PHTF2: variants seen among roughly 807,000 people sequenced by gnomAD.
The protein encoded by PHTF2 is protein PHTF2.
In PHTF2, 60 loss-of-function variants were observed where a neutral mutation model predicts 101.2. That is an observed-to-expected ratio of 0.59 (90% CI 0.48 to 0.73). PHTF2 has a LOEUF of 0.73. Ranked by LOEUF, PHTF2 falls within the 30% of genes least tolerant of loss-of-function variation. The pLI is 0.00. For synonymous variants in PHTF2, 311 were observed against 307.3 expected, an observed-to-expected ratio of 1.01 and a Z score of -0.13; for missense variants, 747 against 908.7, an observed-to-expected ratio of 0.82 and a Z score of 2.29.
intron 17 of PHTF2, among the ~76,000 whole-genome samples, chr7:77,950,636 C>G (rs1421931610): frequency 6.6e-6 from 1 of 152,190 alleles, no homozygotes; most frequent in Non-Finnish European, 1.5e-5. Flanking sequence ...GCCTAGGCAA[C>G]AGAGTGAGAC....
chr7:77,943,549 A>G lies in PHTF2; in HGVS notation c.1959+763A>G, dbSNP rs1413932840. Among the ~76,000 whole-genome samples, 3 of 152,200 alleles carry G rather than the reference A, an allele frequency of 2.0e-5. No individual in the cohort carries two copies. In the East Asian group the frequency reaches 5.8e-4, roughly 29 times the overall value. ...AAAGTATCTCAGGATATGCACTGCT[A>G]TAATGCAGGGGAACATGTTCTCAGG... On this transcript the variant is annotated intron_variant, in intron 16 of 19. Transcript: ENST00000416283.
intron 8 of PHTF2, chr7:77,909,556 T>TG (rs1304383731): frequency 6.6e-6 from 1 of 152,056 alleles, no homozygotes; most frequent in African/African-American, 2.4e-5. Flanking sequence ...TTTGTAGAGA[T>TG]GGGGTCTCAC....
In PHTF2 at chr7:77,893,262, C is replaced by T. The variant is rs551100301; in HGVS notation, c.148-346C>T. ...CTGAACCTCTCCCTCCTTTGAACCT[C>T]CTCCCTCAAGTAGGCCCTAGTGTCT... is the stretch of plus-strand genomic sequence containing the variant. On this transcript the variant is annotated intron_variant, in intron 3 of 19. Transcript: ENST00000416283. 2.6e-5 allele frequency among the ~76,000 whole-genome samples: 4 copies of T among 152,098 alleles called. No homozygotes were observed. The South Asian group carries it at 8.3e-4, about 32-fold the overall frequency.
chr7:77,898,627 A>G (rs1048354335), intron 5 of PHTF2, among the ~76,000 whole-genome samples: 2 of 152,154 alleles, frequency 1.3e-5, no homozygotes, highest in Non-Finnish European at 2.9e-5. Flanking sequence ...ACCCATGAAC[A>G]CTGAATTAGT....
At chr7:77,861,116 C>T (rs1797606604) in intron 3 of PHTF2, among the ~76,000 whole-genome samples, 1 of 151,946 alleles carries the variant, frequency 6.6e-6, no homozygotes, top group African/African-American at 2.4e-5. Context: ...CATTTAATTG[C>T]TCTCTCCCTT....
intron 3 of PHTF2, among the ~76,000 whole-genome samples, chr7:77,884,999 A>G (rs1762304956): frequency 1.3e-5 from 2 of 152,230 alleles, no homozygotes; most frequent in Admixed American, 6.5e-5. Flanking sequence ...TTGATGATGC[A>G]TACACCAAAA....
At chr7:77,837,949 A>G (rs1021575157) in intron 1 of PHTF2, among the ~76,000 whole-genome samples, 16 of 152,132 alleles carry the variant, frequency 1.1e-4, no homozygotes, top group Non-Finnish European at 4.4e-5. Flanking sequence ...GAGGATCTTT[A>G]TTTTGTTAGA....
At chr7:77,941,203 CTAGATCTTTAATGCTT>C (rs1467077927) in intron 15 of PHTF2, among the ~76,000 whole-genome samples, 1 of 152,090 alleles carries the variant, frequency 6.6e-6, no homozygotes, top group African/African-American at 2.4e-5. Flanking sequence ...TCTGACATAC[CTAGATCTTTAATGCTT>C]TATATTTTGA....
chr7:77,807,751 G>A (rs1793110570), intron 1 of PHTF2, among the ~76,000 whole-genome samples: 1 of 152,168 alleles, frequency 6.6e-6, no homozygotes, highest in Non-Finnish European at 1.5e-5. Context: ...TACTTTTGGT[G>A]TTACAGCCAA....
At chr7:77,893,614 G>A in exon 4 of PHTF2, 1 of 1,379,730 alleles carries the variant, frequency 7.2e-7, no homozygotes, top group Non-Finnish European at 1.0e-6. Context: ...ATAGATTGGA[G>A]CATATGATCA....
chr7:77,841,935 G>T (rs947071686), intron 2 of PHTF2, among the ~76,000 whole-genome samples: 2 of 151,870 alleles, frequency 1.3e-5, no homozygotes, highest in African/African-American at 2.4e-5. Flanking sequence ...TCTCTGTTTG[G>T]CTTTTTACAT....
chr7:77,860,937 C>G lies in PHTF2; in HGVS notation c.147+6103C>G, dbSNP rs566102701. On this transcript the variant is annotated intron_variant, in intron 3 of 19. Transcript: ENST00000416283. ...CAGGCTGGTCTCGAACTCCTGGGCTCACGTTATCCTCCCACCTCGGCCTCC... is the reference window on the plus strand; with the variant it reads ...CAGGCTGGTCTCGAACTCCTGGGCTGACGTTATCCTCCCACCTCGGCCTCC... 1.2e-3 allele frequency among the ~76,000 whole-genome samples: 190 copies of G among 152,184 alleles called. 2 individuals carry two copies. The highest frequency in any genetic ancestry group is 4.4e-3 in the African/African-American group (183 of 41,512).
At chr7:77,925,688 G>C (rs848490) in intron 11 of PHTF2, among the ~76,000 whole-genome samples, 117,919 of 151,488 alleles carry the variant, frequency 0.78, 46,208 homozygotes, top group East Asian at 0.86. Context: ...TGGTCTTGAT[G>C]CACCCACCTG....
At chr7:77,828,604 A>T (rs144416596) in intron 1 of PHTF2, among the ~76,000 whole-genome samples, 1 of 152,182 alleles carries the variant, frequency 6.6e-6, no homozygotes, top group Non-Finnish European at 1.5e-5. Context: ...TGAGGTCAAG[A>T]GTTCAAGACC....
intron 7 of PHTF2, among the ~76,000 whole-genome samples, chr7:77,903,442 A>G (rs946975454): frequency 6.6e-6 from 1 of 152,218 alleles, no homozygotes; most frequent in South Asian, 2.1e-4. Context: ...ATCACAGTGC[A>G]TTGTGCTTTT....
At chr7:77,916,034 C>A (rs1802888890) in intron 9 of PHTF2, among the ~76,000 whole-genome samples, 1 of 149,072 alleles carries the variant, frequency 6.7e-6, no homozygotes, top group African/African-American at 2.5e-5. Context: ...ATAATTTCTT[C>A]CTATACGGTA....
chr7:77,954,909 TTCCAGAATAAGAG>T, exon 20 of PHTF2: 1 of 1,337,966 alleles, frequency 7.5e-7, no homozygotes. Context: ...GTAGCCTCTT[TTCCAGAATAAGAG>T]TACTGACTAA....
At chr7:77,892,171 C>A (rs1800490562) in intron 3 of PHTF2, among the ~76,000 whole-genome samples, 1 of 152,110 alleles carries the variant, frequency 6.6e-6, no homozygotes, top group Non-Finnish European at 1.5e-5. Flanking sequence ...GCGCCTGTAG[C>A]CCCAGCTGCT....
At chr7:77,951,100 T>C (rs1806497526) in intron 17 of PHTF2, among the ~76,000 whole-genome samples, 1 of 152,178 alleles carries the variant, frequency 6.6e-6, no homozygotes, top group African/African-American at 2.4e-5. Flanking sequence ...TTATCTATTA[T>C]AGAGTGGATA....
Sources: gnomAD v4.1 joint callset for allele counts (sites outside exome capture counted in the v4.1 genomes callset) on GRCh38, gnomAD v4.1.1 for gene constraint, MANE v1.5 for transcripts, NCBI Gene and HGNC (gene_info 2026-07-23, HGNC 2026-07-21) for gene names.